The following CD2AP variants were observed in gnomAD, a reference collection of about 807,000 sequenced individuals.
The protein encoded by CD2AP is CD2-associated protein.
In CD2AP, 46 loss-of-function variants were observed where a neutral mutation model predicts 85.1. That is an observed-to-expected ratio of 0.54 (90% CI 0.43 to 0.69). The LOEUF (loss-of-function observed/expected upper bound fraction) is 0.69, where lower values mean the gene tolerates loss of function less well. Among genes scored for constraint, CD2AP ranks in the 30% least tolerant of loss-of-function variants. The pLI is 0.00. For synonymous variants in CD2AP, 255 were observed against 252.9 expected (o/e 1.01, Z -0.08); for missense variants, 769 against 729.5 (o/e 1.05, Z -0.62).
chr6:47,574,375 T>C (rs1768245863), intron 6 of CD2AP, 124 bp downstream of exon 6: 2 of 850,648 alleles, frequency 2.4e-6, no homozygotes, highest in Non-Finnish European at 3.8e-6. Flanking sequence ...AATTTGGTTA[T>C]GAATGAGGAG....
chr6:47,503,804 G>A (rs776576072), intron 2 of CD2AP, among the ~76,000 whole-genome samples: 75 of 152,186 alleles, frequency 4.9e-4, no homozygotes, highest in Non-Finnish European at 1.0e-3. Context: ...AAATAGTTAT[G>A]ACAGATAGTA....
At chr6:47,602,645 T>C (rs1209132322) in intron 13 of CD2AP, among the ~76,000 whole-genome samples, 3 of 151,862 alleles carry the variant, frequency 2.0e-5, no homozygotes, top group Non-Finnish European at 4.4e-5. Context: ...AGCAGGAAGA[T>C]TGCTTGCATC....
chr6:47,553,513 A>ATTTTTTTTTTTTTTTTTTTTTTTTTTT (rs148273065), intron 4 of CD2AP, among the ~76,000 whole-genome samples: 1 of 110,518 alleles, frequency 9.0e-6, no homozygotes. Context: ...CACCTAGTGA[A>ATTTTTTTTTTTTTTTTTTTTTTTTTTT]TTTTTTTTTT....
intron 11 of CD2AP, among the ~76,000 whole-genome samples, chr6:47,591,980 A>G (rs148844193): frequency 6.6e-6 from 1 of 152,146 alleles, no homozygotes; most frequent in East Asian, 1.9e-4. Flanking sequence ...ACATGTCACC[A>G]TAACTGGCTA....
intron 5 of CD2AP, among the ~76,000 whole-genome samples, chr6:47,559,252 G>A (rs982907991): frequency 2.7e-5 from 4 of 148,114 alleles, no homozygotes; most frequent in East Asian, 2.0e-4. Flanking sequence ...TCTCTGTTTC[G>A]TGCAATTTTT....
At chr6:47,482,888 A>G (rs187861780) in intron 1 of CD2AP, among the ~76,000 whole-genome samples, 63 of 152,322 alleles carry the variant, frequency 4.1e-4, no homozygotes, top group African/African-American at 1.4e-3. Context: ...TAATGTATAT[A>G]AAAAATTGTA....
At chr6:47,549,655 T>G (rs998332875) in intron 4 of CD2AP, among the ~76,000 whole-genome samples, 1 of 152,006 alleles carries the variant, frequency 6.6e-6, no homozygotes, top group Non-Finnish European at 1.5e-5. Context: ...ATCTACAGAT[T>G]CAACAGAATT....
At chr6:47,514,919 G>A (rs774039149) in intron 2 of CD2AP, among the ~76,000 whole-genome samples, 7 of 152,058 alleles carry the variant, frequency 4.6e-5, no homozygotes, top group Non-Finnish European at 1.0e-4. Flanking sequence ...AGGAGTGGTG[G>A]CACGCACCTG....
chr6:47,563,882 C>T (rs113639755), intron 5 of CD2AP, among the ~76,000 whole-genome samples: 294 of 152,182 alleles, frequency 1.9e-3, no homozygotes, highest in African/African-American at 6.9e-3. Flanking sequence ...TTTTCTAAGG[C>T]TCTTTAATGA....
chr6:47,493,931 T>C (rs1765793600), intron 1 of CD2AP, among the ~76,000 whole-genome samples: 2 of 152,200 alleles, frequency 1.3e-5, no homozygotes, highest in African/African-American at 4.8e-5. Flanking sequence ...AGAGATTCTA[T>C]GTGCTTACCA....
At chr6:47,571,385 G>T (rs1394751337) in intron 5 of CD2AP, among the ~76,000 whole-genome samples, 3 of 152,058 alleles carry the variant, frequency 2.0e-5, no homozygotes, top group Non-Finnish European at 2.9e-5. Context: ...GAGAAAAGGG[G>T]AAAGAACAAG....
rs1360227368 is a variant in CD2AP, at chr6:47,574,255, G to A, written c.729+4G>A. The stretch of plus-strand genomic sequence containing the variant: ...AGAAGAGAAAAAACCAGAAAAGGTG[G>A]TAATGATGGACTTGTTAGATTAACT... On this transcript the variant is annotated splice_donor_region_variant and intron_variant, in intron 6 of 17. Transcript: ENST00000359314. 1 of 1,612,582 alleles carries A rather than the reference G, an allele frequency of 6.2e-7. No homozygotes were observed. Among genetic ancestry groups the A allele is most frequent in the Non-Finnish European group, 8.5e-7 (1 of 1,178,766 alleles).
chr6:47,503,353 C>A lies in CD2AP; in HGVS notation c.78C>A (p.Ile26=), dbSNP rs779061496. ...DELTIRVGEI[I]RNVKKLQEEG... is the part of the protein sequence containing the mutation. ...TAACTATTCGAGTTGGAGAAATCAT[C>A]AGGAATGTGAAAAAGCTACAGGAGG... The change falls in exon 2 of 18, where the codon ATC becomes ATA. Residue 26 remains isoleucine, a synonymous_variant. Transcript: ENST00000359314. 6.2e-6 allele frequency: 10 copies of A among 1,613,442 alleles called. No individual in the cohort carries two copies. Among genetic ancestry groups the A allele is most frequent in the Non-Finnish European group, 8.5e-6 (10 of 1,179,630 alleles).
chr6:47,488,406 G>A (rs1442198625), intron 1 of CD2AP, among the ~76,000 whole-genome samples: 2 of 152,014 alleles, frequency 1.3e-5, no homozygotes, highest in Admixed American at 6.6e-5. Context: ...AAATTTTCTA[G>A]TAGCTACATT....
intron 1 of CD2AP, among the ~76,000 whole-genome samples, chr6:47,495,878 A>G (rs1004152762): frequency 3.3e-5 from 5 of 152,194 alleles, no homozygotes; most frequent in African/African-American, 9.6e-5. Flanking sequence ...TTCTCAACTT[A>G]TAAAAACCTG....
intron 5 of CD2AP, among the ~76,000 whole-genome samples, chr6:47,564,345 A>G (rs1352373356): frequency 2.0e-5 from 3 of 152,184 alleles, no homozygotes; most frequent in East Asian, 1.9e-4. Context: ...GTGATGCCAT[A>G]TAAAACTGAG....
Position 47,482,930 on chromosome 6 carries a change from AAG to A in CD2AP, c.4+4684_4+4685del, listed in dbSNP as rs1765481095. Reference sequence around the variant, plus strand: ...TCAAGGGCTTGCAGATAGGTAGAGAAAGAAGTATAATGATTATTCATTTGGGT... The same window carrying A: ...TCAAGGGCTTGCAGATAGGTAGAGAAAAGTATAATGATTATTCATTTGGGT... On this transcript the variant is annotated intron_variant, in intron 1 of 17. Transcript: ENST00000359314. Among the ~76,000 whole-genome samples the A allele has an allele frequency of 2.0e-5, 3 of 152,336 alleles. No homozygotes were observed. In the South Asian group the frequency reaches 6.2e-4, roughly 32 times the overall value.
intron 5 of CD2AP, among the ~76,000 whole-genome samples, chr6:47,562,082 A>G (rs1358103422): frequency 1.3e-5 from 2 of 152,216 alleles, no homozygotes; most frequent in African/African-American, 4.8e-5. Context: ...TTTACTTTTA[A>G]GGAAATTTAA....
At chr6:47,617,728 T>C (rs954857571) in intron 17 of CD2AP, among the ~76,000 whole-genome samples, 4 of 133,420 alleles carry the variant, frequency 3.0e-5, no homozygotes, top group Non-Finnish European at 7.1e-5. Flanking sequence ...CTCTAATTCT[T>C]ATCTCAGATT....
Sources: allele counts gnomAD v4.1 joint callset (sites outside exome capture counted in the v4.1 genomes callset), GRCh38; gene constraint gnomAD v4.1.1; transcripts MANE v1.5; gene names NCBI Gene and HGNC (gene_info 2026-07-23, HGNC 2026-07-21).